Variants in GIGYF2 observed in about 807,000 individuals in gnomAD.
GIGYF2 encodes the protein GRB10-interacting GYF protein 2.
In GIGYF2, 25 loss-of-function variants were observed where a neutral mutation model predicts 208.1. That is an observed-to-expected ratio of 0.12 (90% CI 0.09 to 0.17). GIGYF2 has a LOEUF of 0.17. Among genes scored for constraint, GIGYF2 ranks in the 10% least tolerant of loss-of-function variants. The pLI, the probability that GIGYF2 is intolerant of heterozygous loss-of-function variation, is 1.00. For synonymous variants in GIGYF2, 534 were observed against 543.8 expected (o/e 0.98, Z 0.25); for missense variants, 1,302 against 1,579.4 (o/e 0.82, Z 2.98).
rs749537217 is a variant in GIGYF2, at chr2:232,790,893, C to T, written c.908C>T (p.Ser303Phe). The T allele has an allele frequency of 6.2e-7, 1 of 1,614,040 alleles. No individual in the cohort carries two copies. Residue 303 changes from serine (S) to phenylalanine (F), a missense_variant, in exon 10 of 29, where the codon TCT (serine) becomes TTT (phenylalanine). Physicochemically the swap from Ser to Phe is radical, Grantham distance 155. Transcript: ENST00000373563. ...AEEEMGTFDSSGAFLSLKKVQ... is the reference protein window; with the variant it reads ...AEEEMGTFDSFGAFLSLKKVQ... ...GAAGAAATGGGTACATTTGACTCAT[C>T]TGGAGCATTCCTTTCTCTAAAAGTA...
chr2:232,756,188 C>CTT, intron 5 of GIGYF2, 35 bp from the exon 6 acceptor site: 1 of 1,211,944 alleles, frequency 8.3e-7, no homozygotes, highest in East Asian at 2.4e-5. Context: ...TTCTTTTTTT[C>CTT]CTTTTTCTCT....
At chr2:232,747,893 T>G in intron 4 of GIGYF2, 149 bp downstream of exon 4, 1 of 750,300 alleles carries the variant, frequency 1.3e-6, no homozygotes, top group Non-Finnish European at 2.2e-6. Flanking sequence ...AAGCCTGCAA[T>G]AGTTAACAGA....
Position 232,847,538 on chromosome 2 carries a change from GCCA to G in GIGYF2, c.3653_3655del (p.Pro1218del), listed in dbSNP as rs1559168277. The G allele has an allele frequency of 1.2e-6, 2 of 1,603,144 alleles. No individual in the cohort carries two copies. The highest frequency in any genetic ancestry group is 2.2e-5 in the South Asian group (2 of 90,484). On this transcript the variant is annotated inframe_deletion, in exon 27 of 29. Coordinates refer to ENST00000373563, the MANE Select transcript of GIGYF2 (RefSeq NM_001103146.3). Reference sequence around the variant, plus strand: ...TGCCACAGCAGCAGCAGCAGCAGCCGCCACAGCAGCCGCCACAGCAGCCACAAC... The same window carrying G: ...TGCCACAGCAGCAGCAGCAGCAGCCGCAGCAGCCGCCACAGCAGCCACAAC...
At position 232,776,871 on chromosome 2, in the gene GIGYF2, A is replaced by T. The variant is rs375644671; in HGVS notation, c.533-10279A>T. The T allele has an allele frequency of 6.2e-5, 10 of 161,100 alleles. No individual in the cohort carries two copies. The East Asian group carries it at 1.0e-3, about 17-fold the overall frequency. The allele number at this position is 161,100 out of a possible 1,614,324, so 10.0% of individuals were successfully genotyped here. On this transcript the variant is annotated intron_variant, in intron 8 of 28. Coordinates refer to ENST00000373563, the MANE Select transcript of GIGYF2 (RefSeq NM_001103146.3). ...TCAAAGGGATAAAATTCCCTGCAAG[A>T]TTTTTCAGCCGTCTTTCCTTATATA... is the stretch of plus-strand genomic sequence containing the variant.
intron 8 of GIGYF2, among the ~76,000 whole-genome samples, chr2:232,770,051 T>A (rs1699168453): frequency 1.3e-5 from 2 of 152,186 alleles, no homozygotes; most frequent in African/African-American, 4.8e-5. Flanking sequence ...GTTTTTCCCA[T>A]ATAAGTTTAT....
chr2:232,716,251 A>G (rs1696671035), intron 2 of GIGYF2, among the ~76,000 whole-genome samples: 1 of 151,856 alleles, frequency 6.6e-6, no homozygotes. Context: ...GAAAAAAAGC[A>G]TTTGAAGATC....
intron 8 of GIGYF2, among the ~76,000 whole-genome samples, chr2:232,763,028 AAAATT>A (rs1046916761): frequency 2.6e-5 from 4 of 152,252 alleles, no homozygotes; most frequent in African/African-American, 9.6e-5. Context: ...TGTCAAAAAA[AAAATT>A]AAAGGTGTGT....
chr2:232,761,878 CA>C lies in GIGYF2; in HGVS notation c.532+453del, dbSNP rs568782396. Among the ~76,000 whole-genome samples, 259 of 107,382 alleles carry C rather than the reference CA, an allele frequency of 2.4e-3. 1 individual carries two copies. Among genetic ancestry groups the C allele is most frequent in the African/African-American group, 5.8e-3 (168 of 28,830 alleles). 70.4% of individuals were successfully genotyped at this position (107,382 alleles called of 152,430 possible). A position where few individuals can be genotyped will look rare whatever the true frequency, so the allele number is the denominator to read the frequency against. On this transcript the variant is annotated intron_variant, in intron 8 of 28. Coordinates refer to ENST00000373563, the MANE Select transcript of GIGYF2 (RefSeq NM_001103146.3). ...TTTTTTTCTTGTTTTGTGATGAGAACAAAAAAAAAAATAACTCAGATAAATT... is the reference window on the plus strand; with the variant it reads ...TTTTTTTCTTGTTTTGTGATGAGAACAAAAAAAAAATAACTCAGATAAATT...
chr2:232,776,928 A>C (rs1326205984), intron 8 of GIGYF2: 1 of 153,052 alleles, frequency 6.5e-6, no homozygotes. Flanking sequence ...TTCCTTTACT[A>C]ATCTTTTTTT....
intron 2 of GIGYF2, chr2:232,729,850 C>A: frequency 2.7e-6 from 2 of 735,270 alleles, no homozygotes; most frequent in Non-Finnish European, 2.5e-6. Context: ...TTCCCTTAGC[C>A]TCTTCGTTTC....
At position 232,845,631 on chromosome 2, in the gene GIGYF2, G is replaced by A. The variant is rs1022305123; in HGVS notation, c.3306-101G>A. Reference sequence around the variant, plus strand: ...AGCCAAGCATTGGATTATTTACTGGGCATCCATCCAGTATTGCCAAGACAT... The same window carrying A: ...AGCCAAGCATTGGATTATTTACTGGACATCCATCCAGTATTGCCAAGACAT... On this transcript the variant is annotated intron_variant, in intron 25 of 28. Coordinates refer to ENST00000373563, the MANE Select transcript of GIGYF2 (RefSeq NM_001103146.3). 1.7e-5 allele frequency: 17 copies of A among 1,008,254 alleles called. No homozygotes were observed. In the African/African-American group the frequency reaches 1.9e-4, roughly 11 times the overall value. 62.5% of individuals were successfully genotyped at this position (1,008,254 alleles called of 1,614,324 possible).
intron 2 of GIGYF2, among the ~76,000 whole-genome samples, chr2:232,727,526 A>G (rs987563565): frequency 2.0e-5 from 3 of 152,222 alleles, no homozygotes; most frequent in African/African-American, 7.2e-5. Flanking sequence ...GGCAAGAGTA[A>G]TTATGAACTT....
chr2:232,800,581 CT>C lies in GIGYF2; in HGVS notation c.1639+4367del, dbSNP rs1189773471. Among the ~76,000 whole-genome samples the C allele has an allele frequency of 8.7e-5, 13 of 149,916 alleles. No homozygotes were observed. In the East Asian group the frequency reaches 1.2e-3, roughly 14 times the overall value. The stretch of plus-strand genomic sequence containing the variant: ...AGTCCTCCAGCTTTGTTTTTCTTTT[CT>C]TTTTTTCTTTTTTTTTTTTTAAGAC... On this transcript the variant is annotated intron_variant, in intron 14 of 28. Transcript: ENST00000373563.
At chr2:232,754,421 A>G (rs71421663) in intron 5 of GIGYF2, among the ~76,000 whole-genome samples, 48,140 of 152,092 alleles carry the variant, frequency 0.32, 7,981 homozygotes, top group South Asian at 0.62. Context: ...ATTGCCTTCT[A>G]TAGAGATTAT....
chr2:232,770,615 T>A (rs1167274586), intron 8 of GIGYF2, among the ~76,000 whole-genome samples: 3 of 152,206 alleles, frequency 2.0e-5, no homozygotes, highest in Admixed American at 6.5e-5. Context: ...TTAATTTTTT[T>A]TTTTTGATAT....
intron 27 of GIGYF2, among the ~76,000 whole-genome samples, chr2:232,849,289 C>T (rs1362808490): frequency 2.0e-5 from 3 of 151,996 alleles, no homozygotes; most frequent in Non-Finnish European, 4.4e-5. Context: ...CTCAGACTCC[C>T]GAGTAGCTGG....
At chr2:232,706,446 C>G (rs1371708182) in intron 2 of GIGYF2, among the ~76,000 whole-genome samples, 2 of 152,064 alleles carry the variant, frequency 1.3e-5, no homozygotes, top group Non-Finnish European at 2.9e-5. Flanking sequence ...GAGTTCAAAA[C>G]TAGTCTGGGA....
chr2:232,782,963 CTG>C (rs1699770365), intron 8 of GIGYF2, among the ~76,000 whole-genome samples: 1 of 152,130 alleles, frequency 6.6e-6, no homozygotes, highest in Non-Finnish European at 1.5e-5. Flanking sequence ...TTTATGAAAA[CTG>C]TCAGTTGTAC....
chr2:232,712,430 G>A (rs1248093615), intron 2 of GIGYF2, among the ~76,000 whole-genome samples: 1 of 152,100 alleles, frequency 6.6e-6, no homozygotes, highest in Non-Finnish European at 1.5e-5. Context: ...CTCGTCATGG[G>A]CATTCGTAAT....
Sources: allele counts gnomAD v4.1 joint callset (sites outside exome capture counted in the v4.1 genomes callset), GRCh38; gene constraint gnomAD v4.1.1; transcripts MANE v1.5; gene names NCBI Gene and HGNC (gene_info 2026-07-23, HGNC 2026-07-21).